Variants in PLPPR1 observed in about 807,000 individuals in gnomAD.
PLPPR1 encodes phospholipid phosphatase-related protein type 1.
Under a neutral mutation model 33.1 loss-of-function variants are expected in PLPPR1, and 10 were observed. The observed-to-expected ratio is 0.30, with a 90% CI of 0.19 to 0.51. PLPPR1 has a LOEUF of 0.51. Among genes scored for constraint, PLPPR1 ranks in the 20% least tolerant of loss-of-function variants. The probability of loss-of-function intolerance (pLI) is 0.97; values close to 1 mark genes in which losing one functional copy is unlikely to be tolerated. For synonymous variants in PLPPR1, 151 were observed against 151.0 expected, an observed-to-expected ratio of 1.00 and a Z score of 0.00; for missense variants, 304 against 408.1, an observed-to-expected ratio of 0.74 and a Z score of 2.20.
At chr9:101,067,757 AC>A (rs1374078397) in intron 1 of PLPPR1, among the ~76,000 whole-genome samples, 1 of 152,040 alleles carries the variant, frequency 6.6e-6, no homozygotes, top group Non-Finnish European at 1.5e-5. Flanking sequence ...GACAGGGTAG[AC>A]CAAGCATTGT....
chr9:101,041,906 A>C (rs865811336), intron 1 of PLPPR1, among the ~76,000 whole-genome samples: 4 of 152,208 alleles, frequency 2.6e-5, no homozygotes, highest in South Asian at 2.1e-4. Flanking sequence ...ATTGAAAAGA[A>C]ATGTAAAATT....
At chr9:101,076,078 G>T (rs182474905) in intron 1 of PLPPR1, among the ~76,000 whole-genome samples, 21 of 152,224 alleles carry the variant, frequency 1.4e-4, no homozygotes, top group Admixed American at 9.2e-4. Context: ...TTCTCAAAGT[G>T]CAGTCACTGG....
intron 2 of PLPPR1, among the ~76,000 whole-genome samples, chr9:101,238,348 GGT>G (rs1422198853): frequency 7.5e-4 from 56 of 74,826 alleles, no homozygotes; most frequent in African/African-American, 3.4e-3. Flanking sequence ...TATATATAGA[GGT>G]GTATATATAT....
At chr9:101,096,545 T>C (rs969285614) in intron 1 of PLPPR1, among the ~76,000 whole-genome samples, 1 of 152,196 alleles carries the variant, frequency 6.6e-6, no homozygotes, top group African/African-American at 2.4e-5. Flanking sequence ...AGGTAATAGT[T>C]AAATAAGCAC....
intron 4 of PLPPR1, among the ~76,000 whole-genome samples, chr9:101,291,707 C>G (rs1311100941): frequency 1.3e-5 from 2 of 152,196 alleles, no homozygotes; most frequent in Non-Finnish European, 2.9e-5. Context: ...CTAGCAAACT[C>G]CAACAGACCC....
intron 1 of PLPPR1, among the ~76,000 whole-genome samples, chr9:101,109,223 C>A (rs1317680213): frequency 6.7e-6 from 1 of 150,208 alleles, no homozygotes; most frequent in Non-Finnish European, 1.5e-5. Flanking sequence ...ATCCGCCGGC[C>A]TCGGCCTCCC....
At chr9:101,233,038 A>C in intron 2 of PLPPR1, among the ~76,000 whole-genome samples, 1 of 151,922 alleles carries the variant, frequency 6.6e-6, no homozygotes, top group East Asian at 1.9e-4. Flanking sequence ...CAGATTCCAA[A>C]CCTGTGTTGG....
At chr9:101,261,051 A>C (rs1827889695) in intron 2 of PLPPR1, among the ~76,000 whole-genome samples, 1 of 152,200 alleles carries the variant, frequency 6.6e-6, no homozygotes, top group South Asian at 2.1e-4. Flanking sequence ...AGTGCCAGGC[A>C]TTGTACTAAG....
At chr9:101,200,913 C>A (rs980012293) in intron 2 of PLPPR1, among the ~76,000 whole-genome samples, 2 of 152,122 alleles carry the variant, frequency 1.3e-5, no homozygotes, top group Non-Finnish European at 2.9e-5. Context: ...TTATTAGACC[C>A]AATTTCCCAA....
At chr9:101,183,990 A>G (rs1188722636) in intron 1 of PLPPR1, among the ~76,000 whole-genome samples, 2 of 151,740 alleles carry the variant, frequency 1.3e-5, no homozygotes, top group African/African-American at 4.8e-5. Flanking sequence ...AAGTTCATTT[A>G]TATCATAAAT....
intron 1 of PLPPR1, among the ~76,000 whole-genome samples, chr9:101,095,212 TC>T (rs1406270628): frequency 6.6e-6 from 1 of 152,212 alleles, no homozygotes; most frequent in Non-Finnish European, 1.5e-5. Flanking sequence ...TTAGACTGAA[TC>T]CCTATTCCAA....
At chr9:101,269,594 A>C (rs960124680) in intron 2 of PLPPR1, among the ~76,000 whole-genome samples, 1 of 152,026 alleles carries the variant, frequency 6.6e-6, no homozygotes, top group Non-Finnish European at 1.5e-5. Context: ...ATACTCTGAG[A>C]CTCTGAAAGG....
chr9:101,170,224 C>G (rs115603454), intron 1 of PLPPR1, among the ~76,000 whole-genome samples: 1 of 152,042 alleles, frequency 6.6e-6, no homozygotes, highest in Admixed American at 6.6e-5. Context: ...AACAATTACA[C>G]AATACATACT....
In PLPPR1 at chr9:101,070,512, G is replaced by T. The variant is rs147308861; in HGVS notation, c.-46+41410G>T. Among the ~76,000 whole-genome samples, 797 of 152,128 alleles carry T rather than the reference G, an allele frequency of 5.2e-3. 1 individual carries two copies. The highest frequency in any genetic ancestry group is 0.01 in the Middle Eastern group (3 of 294). ...GTGGCTGAAGCAGAGATTACCAACA[G>T]ATTATTAGATCAACCTTTTCATACA... On this transcript the variant is annotated intron_variant, in intron 1 of 7. Coordinates refer to ENST00000374874, the MANE Select transcript of PLPPR1 (RefSeq NM_207299.2).
At chr9:101,294,930 A>G (rs1042841265) in intron 4 of PLPPR1, among the ~76,000 whole-genome samples, 1 of 151,936 alleles carries the variant, frequency 6.6e-6, no homozygotes, top group Non-Finnish European at 1.5e-5. Context: ...TATTCGACAT[A>G]GTGTTGGAAG....
intron 2 of PLPPR1, among the ~76,000 whole-genome samples, chr9:101,218,278 A>G (rs570972453): frequency 6.6e-6 from 1 of 152,184 alleles, no homozygotes; most frequent in Non-Finnish European, 1.5e-5. Context: ...AGAATAAGCA[A>G]TAAAGTCTGT....
At chr9:101,268,082 C>T (rs916433408) in intron 2 of PLPPR1, among the ~76,000 whole-genome samples, 11 of 151,836 alleles carry the variant, frequency 7.2e-5, no homozygotes, top group Admixed American at 6.6e-5. Context: ...GGAAGGGGAA[C>T]ATCACACACC....
chr9:101,247,095 G>T (rs1365930996), intron 2 of PLPPR1, among the ~76,000 whole-genome samples: 1 of 151,956 alleles, frequency 6.6e-6, no homozygotes, highest in Non-Finnish European at 1.5e-5. Context: ...TCTCATAGAA[G>T]AATTGAGGCC....
At chr9:101,286,268 C>T in intron 4 of PLPPR1, 32 bp downstream of exon 4, 2 of 1,561,228 alleles carry the variant, frequency 1.3e-6, no homozygotes, top group Non-Finnish European at 1.7e-6. Context: ...ACTAAGCTCT[C>T]ACATAAAAGT....
Sources: allele counts gnomAD v4.1 joint callset (sites outside exome capture counted in the v4.1 genomes callset), GRCh38; gene constraint gnomAD v4.1.1; transcripts MANE v1.5; gene names NCBI Gene and HGNC (gene_info 2026-07-23, HGNC 2026-07-21).